The following OTUD7A variants were observed in gnomAD, a reference collection of about 807,000 sequenced individuals.
OTUD7A encodes OTU deubiquitinase 7A.
In OTUD7A, 12 loss-of-function variants were observed where a neutral mutation model predicts 65.7. The ratio of observed to expected loss-of-function variants is 0.18; its 90% CI spans 0.12 to 0.30. OTUD7A has a LOEUF of 0.30. Ranked by LOEUF, OTUD7A falls within the 10% of genes least tolerant of loss-of-function variation. OTUD7A has a pLI of 1.00. For synonymous variants in OTUD7A, 641 were observed against 586.3 expected (o/e 1.09, Z -1.35); for missense variants, 1,148 against 1,304.8 (o/e 0.88, Z 1.85).
chr15:31,740,343 G>A (rs1343397242), intron 1 of OTUD7A, among the ~76,000 whole-genome samples: 2 of 152,086 alleles, frequency 1.3e-5, no homozygotes, highest in Non-Finnish European at 2.9e-5. Flanking sequence ...GAAACCAGGA[G>A]TCGCTGCAGG....
At chr15:31,629,044 A>T (rs1453388865) in intron 3 of OTUD7A, among the ~76,000 whole-genome samples, 1 of 152,078 alleles carries the variant, frequency 6.6e-6, no homozygotes, top group Non-Finnish European at 1.5e-5. Context: ...GCAAACAGGG[A>T]CAATTTGACT....
rs116626552 is a variant in OTUD7A, at chr15:31,829,604, G to A, written c.-100+40903C>T. Among the ~76,000 whole-genome samples, 504 of 152,330 alleles carry A rather than the reference G, an allele frequency of 3.3e-3. 3 individuals are homozygous for A. The highest frequency in any genetic ancestry group is 0.012 in the African/African-American group (488 of 41,578). On this transcript the variant is annotated intron_variant, in intron 1 of 12. Coordinates refer to ENST00000307050, the MANE Select transcript of OTUD7A (RefSeq NM_001382637.1). Reference sequence around the variant, plus strand: ...GGCAAGTAAATGCATGGACACTGCAGAGCCTGTCTGTGTGGACCAATGCCC... The same window carrying A: ...GGCAAGTAAATGCATGGACACTGCAAAGCCTGTCTGTGTGGACCAATGCCC...
intron 1 of OTUD7A, among the ~76,000 whole-genome samples, chr15:31,868,227 A>G (rs554259048): frequency 1.4e-4 from 21 of 152,346 alleles, no homozygotes; most frequent in African/African-American, 4.8e-4. Context: ...AAGCGGGATG[A>G]AGAGGCTTTA....
chr15:31,607,411 A>G (rs1381724328), intron 3 of OTUD7A, among the ~76,000 whole-genome samples: 3 of 152,210 alleles, frequency 2.0e-5, no homozygotes, highest in African/African-American at 7.2e-5. Context: ...CAAATTACTT[A>G]AATACCTGAT....
At chr15:31,502,405 A>G (rs1370385090) in intron 9 of OTUD7A, among the ~76,000 whole-genome samples, 1 of 152,234 alleles carries the variant, frequency 6.6e-6, no homozygotes, top group Non-Finnish European at 1.5e-5. Flanking sequence ...TCAGCAAAAT[A>G]GAATAACTTC....
chr15:31,647,132 G>A (rs912434737), intron 3 of OTUD7A, among the ~76,000 whole-genome samples: 6 of 152,296 alleles, frequency 3.9e-5, no homozygotes, highest in African/African-American at 1.2e-4. Context: ...GGCAGCCAAC[G>A]GTTTCCTTTC....
chr15:31,630,710 G>A (rs1319177332), intron 3 of OTUD7A, among the ~76,000 whole-genome samples: 2 of 152,152 alleles, frequency 1.3e-5, no homozygotes, highest in Non-Finnish European at 2.9e-5. Flanking sequence ...CATTATTAAT[G>A]TGTGGGAGTC....
chr15:31,578,378 T>C (rs779252868), intron 3 of OTUD7A, among the ~76,000 whole-genome samples: 14 of 152,244 alleles, frequency 9.2e-5, no homozygotes, highest in Non-Finnish European at 1.3e-4. Context: ...GCCTGCTACC[T>C]GAAGGCTTCA....
intron 1 of OTUD7A, among the ~76,000 whole-genome samples, chr15:31,813,306 G>A (rs927304621): frequency 6.6e-6 from 1 of 152,162 alleles, no homozygotes; most frequent in Non-Finnish European, 1.5e-5. Flanking sequence ...AGCATTGTTA[G>A]GCTTCTGTAC....
chr15:31,808,136 C>CACACACAAAAAAAAAAA (rs772574742), intron 1 of OTUD7A, among the ~76,000 whole-genome samples: 2 of 119,416 alleles, frequency 1.7e-5, no homozygotes, highest in African/African-American at 5.6e-5. Flanking sequence ...CACACACACA[C>CACACACAAAAAAAAAAA]AAACAAATCC....
chr15:31,759,473 T>C (rs545464900), intron 1 of OTUD7A, among the ~76,000 whole-genome samples: 1 of 152,354 alleles, frequency 6.6e-6, no homozygotes, highest in East Asian at 1.9e-4. Context: ...TTCCTCCTTC[T>C]GAGTCCTGCT....
At chr15:31,540,783 T>C (rs1887964069) in intron 5 of OTUD7A, among the ~76,000 whole-genome samples, 2 of 152,314 alleles carry the variant, frequency 1.3e-5, no homozygotes, top group African/African-American at 4.8e-5. Flanking sequence ...GCTTAAAAGG[T>C]ACCTTTATAC....
At chr15:31,581,729 A>G (rs1327950367) in intron 3 of OTUD7A, among the ~76,000 whole-genome samples, 2 of 152,188 alleles carry the variant, frequency 1.3e-5, no homozygotes, top group Non-Finnish European at 2.9e-5. Flanking sequence ...GGCCCATGAA[A>G]CCATTTTTTC....
At chr15:31,550,912 C>T (rs1888302033) in intron 5 of OTUD7A, among the ~76,000 whole-genome samples, 3 of 152,120 alleles carry the variant, frequency 2.0e-5, no homozygotes, top group Admixed American at 2.0e-4. Flanking sequence ...GAGCTATGCA[C>T]AGAGAAACAC....
intron 8 of OTUD7A, among the ~76,000 whole-genome samples, chr15:31,513,027 C>T (rs1373636567): frequency 6.6e-6 from 1 of 152,126 alleles, no homozygotes; most frequent in Non-Finnish European, 1.5e-5. Context: ...TGCCACCATG[C>T]CCAGCTAATT....
chr15:31,543,107 G>A (rs139257099), intron 5 of OTUD7A, among the ~76,000 whole-genome samples: 275 of 151,776 alleles, frequency 1.8e-3, no homozygotes, highest in African/African-American at 6.5e-3. Context: ...TGTCTGATGA[G>A]ATTAAAAGTA....
intron 1 of OTUD7A, among the ~76,000 whole-genome samples, chr15:31,831,852 G>A (rs528805045): frequency 1.3e-5 from 2 of 152,336 alleles, no homozygotes; most frequent in South Asian, 2.1e-4. Context: ...TGGATCACAG[G>A]GGCGTTCCGC....
At chr15:31,485,702 C>T (rs983835296) in intron 12 of OTUD7A, among the ~76,000 whole-genome samples, 1 of 152,212 alleles carries the variant, frequency 6.6e-6, no homozygotes, top group African/African-American at 2.4e-5. Flanking sequence ...TCATGCTGGC[C>T]GCTGGGTGCT....
At chr15:31,570,238 T>C (rs2141172019) in intron 3 of OTUD7A, 41 bp from the exon 4 acceptor site, 3 of 1,594,600 alleles carry the variant, frequency 1.9e-6, no homozygotes, top group African/African-American at 1.3e-5. Context: ...TACGAACGCA[T>C]GAATAACGGT....
Sources: allele counts gnomAD v4.1 joint callset (sites outside exome capture counted in the v4.1 genomes callset), GRCh38; gene constraint gnomAD v4.1.1; transcripts MANE v1.5; gene names NCBI Gene and HGNC (gene_info 2026-07-23, HGNC 2026-07-21).